DAW1: variants seen among roughly 807,000 people sequenced by gnomAD.
DAW1 encodes dynein assembly factor with WD repeats 1.
A neutral mutation model predicts 56.5 loss-of-function variants in DAW1; 47 were observed. That is an observed-to-expected ratio of 0.83 (90% CI 0.66 to 1.06). The LOEUF is 1.06. Ranked by LOEUF, DAW1 falls within the 50% of genes least tolerant of loss-of-function variation. The pLI is 0.00. For synonymous variants in DAW1, 190 were observed against 179.0 expected (o/e 1.06, Z -0.49); for missense variants, 505 against 499.3 (o/e 1.01, Z -0.11).
chr2:227,924,277 C>T lies in DAW1; in HGVS notation c.*309C>T, dbSNP rs773849721. On this transcript the variant is annotated 3_prime_UTR_variant, in exon 13 of 13. Transcript: ENST00000309931. ...AAAGGAGACCAGAACAACTTAACAA[C>T]GTGTCTCCTGGATTTTACTTTGAAG... 6.9e-5 allele frequency: 24 copies of T among 346,776 alleles called. 1 individual carries two copies. The highest frequency in any genetic ancestry group is 1.2e-4 in the Non-Finnish European group (22 of 189,890). The allele number at this position is 346,776 out of a possible 1,614,324, so 21.5% of individuals were successfully genotyped here. A position where few individuals can be genotyped will look rare whatever the true frequency, so the allele number is the denominator to read the frequency against.
chr2:227,895,976 A>G (rs1691398004), intron 5 of DAW1, among the ~76,000 whole-genome samples: 1 of 152,124 alleles, frequency 6.6e-6, no homozygotes. Flanking sequence ...TAAAAATTTG[A>G]TACACTTAGA....
chr2:227,917,786 A>C lies in DAW1; in HGVS notation c.974-994A>C, dbSNP rs368511400. 7.9e-5 allele frequency among the ~76,000 whole-genome samples: 12 copies of C among 152,192 alleles called. No individual in the cohort carries two copies. The South Asian group carries it at 1.2e-3, about 16-fold the overall frequency. ...CGAATTTCAAGTTATATATTTTTTAATCACATTAATTCTAAAATGGCAGGT... is the reference window on the plus strand; with the variant it reads ...CGAATTTCAAGTTATATATTTTTTACTCACATTAATTCTAAAATGGCAGGT... On this transcript the variant is annotated intron_variant, in intron 10 of 12. Transcript: ENST00000309931.
At chr2:227,890,624 A>C (rs1363093653) in intron 3 of DAW1, among the ~76,000 whole-genome samples, 4 of 152,220 alleles carry the variant, frequency 2.6e-5, no homozygotes, top group African/African-American at 9.6e-5. Context: ...CCTGATACAA[A>C]ATATCCAGGC....
intron 1 of DAW1, among the ~76,000 whole-genome samples, chr2:227,872,646 T>G (rs1371255121): frequency 6.6e-6 from 1 of 152,074 alleles, no homozygotes; most frequent in Non-Finnish European, 1.5e-5. Context: ...GAAACCTAGG[T>G]GGTCACTTTT....
chr2:227,886,888 A>C (rs1207921654), intron 2 of DAW1, among the ~76,000 whole-genome samples: 1 of 152,238 alleles, frequency 6.6e-6, no homozygotes, highest in African/African-American at 2.4e-5. Flanking sequence ...AAATAATCTC[A>C]ATGGGTGAAA....
At chr2:227,915,500 C>A (rs1305376416) in intron 10 of DAW1, among the ~76,000 whole-genome samples, 1 of 151,952 alleles carries the variant, frequency 6.6e-6, no homozygotes, top group Non-Finnish European at 1.5e-5. Context: ...CTTTGAACAC[C>A]AAGTGGGATT....
At chr2:227,885,284 G>T in intron 1 of DAW1, 67 bp from the exon 2 acceptor site, 1 of 1,120,028 alleles carries the variant, frequency 8.9e-7, no homozygotes, top group Non-Finnish European at 1.2e-6. Context: ...ACTGTGGCAA[G>T]GTAGGTTAAC....
chr2:227,894,994 C>A (rs146678974), intron 5 of DAW1, among the ~76,000 whole-genome samples: 45 of 152,284 alleles, frequency 3.0e-4, no homozygotes, highest in African/African-American at 1.1e-3. Context: ...GAAAGCTGGT[C>A]TTTTCTAGGG....
intron 10 of DAW1, among the ~76,000 whole-genome samples, chr2:227,915,470 G>A (rs772672148): frequency 1.2e-4 from 18 of 152,008 alleles, no homozygotes; most frequent in Non-Finnish European, 2.2e-4. Flanking sequence ...GTTTGATGCT[G>A]GAAGATGTCT....
intron 9 of DAW1, 35 bp from the exon 10 acceptor site, chr2:227,907,103 C>CTTTTTTTTTTTT (rs370563385): frequency 5.2e-6 from 6 of 1,143,104 alleles, no homozygotes; most frequent in East Asian, 3.1e-5. Flanking sequence ...AAGTCATAGT[C>CTTTTTTTTTTTT]TTTTTTTTTT....
rs533930356 is a variant in DAW1, at chr2:227,890,079, A to G, written c.258+79A>G. The G allele has an allele frequency of 4.1e-5, 57 of 1,380,512 alleles. No homozygotes were observed. In the South Asian group the frequency reaches 9.3e-4, roughly 23 times the overall value. The allele number at this position is 1,380,512 out of a possible 1,614,324, so 85.5% of individuals were successfully genotyped here. ...TTTATTAATTTTTCTTTCCCTAAAA[A>G]TATTTTTTCATGAAAAAGGCATGTC... is the stretch of plus-strand genomic sequence containing the variant. On this transcript the variant is annotated intron_variant, in intron 3 of 12. Coordinates refer to ENST00000309931, the MANE Select transcript of DAW1 (RefSeq NM_178821.3).
chr2:227,893,749 C>A, intron 4 of DAW1, 46 bp from the exon 5 acceptor site: 1 of 1,580,456 alleles, frequency 6.3e-7, no homozygotes. Context: ...TCTTTATTAA[C>A]ACACTGCCAT....
chr2:227,890,385 C>G lies in DAW1; in HGVS notation c.258+385C>G, dbSNP rs564336245. On this transcript the variant is annotated intron_variant, in intron 3 of 12. Coordinates refer to ENST00000309931, the MANE Select transcript of DAW1 (RefSeq NM_178821.3). The stretch of plus-strand genomic sequence containing the variant: ...CTTTCATGTGAACTAAACCATATTT[C>G]AGTAAATTATTTATTTGTATGACAT... Among the ~76,000 whole-genome samples the G allele has an allele frequency of 3.9e-5, 6 of 152,230 alleles. No individual in the cohort carries two copies. In the South Asian group the frequency reaches 1.2e-3, roughly 32 times the overall value.
At chr2:227,916,912 G>A (rs1170890490) in intron 10 of DAW1, among the ~76,000 whole-genome samples, 1 of 152,134 alleles carries the variant, frequency 6.6e-6, no homozygotes. Context: ...CATGTATGAT[G>A]CTACACTGTG....
chr2:227,904,832 G>T, intron 7 of DAW1, 97 bp from the exon 8 acceptor site: 2 of 1,154,506 alleles, frequency 1.7e-6, no homozygotes, highest in Non-Finnish European at 2.5e-6. Context: ...CCTAGAGCTC[G>T]GCCTTCTCCA....
At chr2:227,904,332 TC>T (rs1306139621) in intron 7 of DAW1, among the ~76,000 whole-genome samples, 2 of 152,200 alleles carry the variant, frequency 1.3e-5, no homozygotes, top group Non-Finnish European at 2.9e-5. Flanking sequence ...CCAACCAGGA[TC>T]CCCTTATCAG....
chr2:227,877,858 G>A (rs1690916372), intron 1 of DAW1, among the ~76,000 whole-genome samples: 1 of 152,248 alleles, frequency 6.6e-6, no homozygotes, highest in Non-Finnish European at 1.5e-5. Flanking sequence ...CCACAGACTG[G>A]TACTGGTCCA....
chr2:227,906,313 C>T lies in DAW1; in HGVS notation c.833C>T (p.Thr278Ile), dbSNP rs1691682295. ...SFNWDCSLIL[T>I]GSMDKTCKLW... Reference sequence around the variant, plus strand: ...AATTGGGATTGCTCTCTAATATTAACTGGCTCTATGGACAAAACCTGCAAG... The same window carrying T: ...AATTGGGATTGCTCTCTAATATTAATTGGCTCTATGGACAAAACCTGCAAG... The change falls in exon 9 of 13, where the codon ACT becomes ATT. Residue 278 changes from threonine (T) to isoleucine (I), a missense_variant. Thr to Ile is a moderately conservative substitution (Grantham distance 89). Coordinates refer to ENST00000309931, the MANE Select transcript of DAW1 (RefSeq NM_178821.3). 6.2e-7 allele frequency: 1 copy of T among 1,612,040 alleles called. No individual in the cohort carries two copies. Among genetic ancestry groups the T allele is most frequent in the Non-Finnish European group, 8.5e-7 (1 of 1,178,690 alleles).
intron 1 of DAW1, among the ~76,000 whole-genome samples, chr2:227,879,064 G>C (rs1029308745): frequency 1.3e-5 from 2 of 152,012 alleles, no homozygotes; most frequent in Non-Finnish European, 2.9e-5. Flanking sequence ...GGAATTACAG[G>C]CATGAGCCAC....
Sources: allele counts gnomAD v4.1 joint callset (sites outside exome capture counted in the v4.1 genomes callset), GRCh38; gene constraint gnomAD v4.1.1; transcripts MANE v1.5; gene names NCBI Gene and HGNC (gene_info 2026-07-23, HGNC 2026-07-21).